CHMP4C: variants seen among roughly 807,000 people sequenced by gnomAD.
CHMP4C encodes the protein SNF7 homolog associated with Alix 3.
Under a neutral mutation model 29.0 loss-of-function variants are expected in CHMP4C, and 28 were observed. That is an observed-to-expected ratio of 0.97 (90% confidence interval 0.72 to 1.32). The LOEUF (loss-of-function observed/expected upper bound fraction) is 1.32, where lower values mean the gene tolerates loss of function less well. CHMP4C is among the 40% of genes most tolerant of loss of function. The pLI, the probability that CHMP4C is intolerant of heterozygous loss-of-function variation, is 0.00. For missense variants in CHMP4C, 291 were observed against 281.0 expected (o/e 1.04, Z -0.25); for synonymous variants, 106 against 102.4 (o/e 1.04, Z -0.21).
Position 81,758,259 on chromosome 8 carries a change from C to A in CHMP4C, c.601C>A (p.Pro201Thr). ...TCTCCCAGCACAGCCAAATAGAAAA[C>A]CAGGCATGTCGTCCACTGCACGTCG... ...SSLPAQPNRK[P>T]GMSSTARRSR... The change falls in exon 4 of 5, where the codon CCA becomes ACA. Residue 201 changes from proline to threonine, a missense_variant. Pro to Thr is a conservative substitution (Grantham distance 38, BLOSUM62 -1). Transcript: ENST00000297265. 6.2e-7 allele frequency: 1 copy of A among 1,614,000 alleles called. No individual in the cohort carries two copies. Among genetic ancestry groups the A allele is most frequent in the African/African-American group, 1.3e-5 (1 of 75,038 alleles).
chr8:81,735,178 G>A (rs773464639), intron 1 of CHMP4C, among the ~76,000 whole-genome samples: 1 of 152,156 alleles, frequency 6.6e-6, no homozygotes, highest in Admixed American at 6.6e-5. Flanking sequence ...ACAGGTGTGA[G>A]CCACTGCGCC....
intron 1 of CHMP4C, among the ~76,000 whole-genome samples, chr8:81,739,439 A>C (rs1808736169): frequency 6.6e-6 from 1 of 150,848 alleles, no homozygotes; most frequent in African/African-American, 2.4e-5. Context: ...GGAAAAAAAA[A>C]AAGTCTTATC....
intron 1 of CHMP4C, among the ~76,000 whole-genome samples, chr8:81,745,300 A>G (rs1037326083): frequency 9.9e-5 from 15 of 152,202 alleles, no homozygotes; most frequent in Non-Finnish European, 1.6e-4. Flanking sequence ...GCCCTTCTCT[A>G]GAGATCATTC....
At chr8:81,747,001 A>C (rs189190945) in intron 1 of CHMP4C, among the ~76,000 whole-genome samples, 324 of 152,296 alleles carry the variant, frequency 2.1e-3, no homozygotes, top group Admixed American at 4.6e-3. Context: ...TCCATTTTTC[A>C]GTAAGCAACT....
Position 81,755,456 on chromosome 8 carries a change from G to A in CHMP4C, c.455G>A (p.Arg152Gln), listed in dbSNP as rs114287276. ...AQEISEAFSQ[R>Q]VGFGDDFDED... ...GAAATCTCAGAAGCATTTTCTCAAC[G>A]GGTTGGCTTTGGTGATGACTTTGAT... is the stretch of plus-strand genomic sequence containing the variant. Residue 152 changes from arginine to glutamine, a missense_variant, in exon 3 of 5, where the codon CGG (arginine) becomes CAG (glutamine). Transcript: ENST00000297265. The A allele has an allele frequency of 6.7e-4, 1,085 of 1,611,386 alleles. 4 individuals carry two copies. The African/African-American group carries it at 0.01, about 15-fold the overall frequency.
intron 1 of CHMP4C, among the ~76,000 whole-genome samples, chr8:81,746,708 T>C (rs1042876420): frequency 1.3e-5 from 2 of 152,316 alleles, no homozygotes; most frequent in Admixed American, 1.3e-4. Context: ...CAAATGTTGG[T>C]GAATTTTAAA....
At chr8:81,752,377 G>A (rs765545824) in intron 1 of CHMP4C, among the ~76,000 whole-genome samples, 1 of 152,154 alleles carries the variant, frequency 6.6e-6, no homozygotes, top group African/African-American at 2.4e-5. Flanking sequence ...AGTGAGGCAA[G>A]TTAGGTTATC....
chr8:81,738,155 C>T (rs1023091876), intron 1 of CHMP4C, among the ~76,000 whole-genome samples: 2 of 152,128 alleles, frequency 1.3e-5, no homozygotes, highest in African/African-American at 2.4e-5. Context: ...CTATTGCTTG[C>T]CATATCCCAG....
intron 1 of CHMP4C, among the ~76,000 whole-genome samples, chr8:81,745,221 G>A (rs533531285): frequency 6.6e-6 from 1 of 152,154 alleles, no homozygotes; most frequent in Non-Finnish European, 1.5e-5. Flanking sequence ...AATGACATAA[G>A]CAATTATGTG....
At chr8:81,750,742 T>C (rs2130491009) in intron 1 of CHMP4C, among the ~76,000 whole-genome samples, 1 of 152,036 alleles carries the variant, frequency 6.6e-6, no homozygotes, top group South Asian at 2.1e-4. Flanking sequence ...AATACAAATT[T>C]CAGAAGATAG....
chr8:81,744,916 C>T (rs972639170), intron 1 of CHMP4C, among the ~76,000 whole-genome samples: 3 of 152,134 alleles, frequency 2.0e-5, no homozygotes, highest in African/African-American at 7.2e-5. Context: ...TAAAGACGTT[C>T]AGTGAAATTC....
At chr8:81,736,247 C>T (rs561842356) in intron 1 of CHMP4C, among the ~76,000 whole-genome samples, 51 of 151,902 alleles carry the variant, frequency 3.4e-4, no homozygotes, top group Non-Finnish European at 6.0e-4. Flanking sequence ...CCTTGACCTC[C>T]GAGACCCAAG....
At chr8:81,747,300 A>C (rs1173633738) in intron 1 of CHMP4C, among the ~76,000 whole-genome samples, 1 of 152,122 alleles carries the variant, frequency 6.6e-6, no homozygotes, top group African/African-American at 2.4e-5. Flanking sequence ...ATTTTTACTA[A>C]GAAATATGAC....
rs908203031 is a variant in CHMP4C, at chr8:81,748,338, C to T, written c.191-4726C>T. ...GTCCTGAGGCGACATACATCCTCCT[C>T]GGCTGACAGGATTAAGAGATTAAAA... On this transcript the variant is annotated intron_variant, in intron 1 of 4. Coordinates refer to ENST00000297265, the MANE Select transcript of CHMP4C (RefSeq NM_152284.4). Among the ~76,000 whole-genome samples, 7 of 152,068 alleles carry T rather than the reference C, an allele frequency of 4.6e-5. No homozygotes were observed. The East Asian group carries it at 5.8e-4, about 13-fold the overall frequency.
At chr8:81,742,674 T>C (rs1808775841) in intron 1 of CHMP4C, among the ~76,000 whole-genome samples, 1 of 152,202 alleles carries the variant, frequency 6.6e-6, no homozygotes, top group Admixed American at 6.5e-5. Context: ...TTAGCAGTGC[T>C]ATTTACATTA....
rs185142874 is a variant in CHMP4C, at chr8:81,736,524, C to T, written c.190+3708C>T. The stretch of plus-strand genomic sequence containing the variant: ...GTTTAGAGACACTTCCAATACCCTC[C>T]GCACCCACCCCATGTATGAACAGGA... On this transcript the variant is annotated intron_variant, in intron 1 of 4. Coordinates refer to ENST00000297265, the MANE Select transcript of CHMP4C (RefSeq NM_152284.4). 1.2e-4 allele frequency among the ~76,000 whole-genome samples: 18 copies of T among 152,174 alleles called. No individual in the cohort carries two copies. In the East Asian group the frequency reaches 2.7e-3, roughly 23 times the overall value.
chr8:81,738,284 C>T (rs1404289619), intron 1 of CHMP4C, among the ~76,000 whole-genome samples: 2 of 152,090 alleles, frequency 1.3e-5, no homozygotes, highest in Non-Finnish European at 2.9e-5. Flanking sequence ...TGGCCAAAAC[C>T]CCTACTCAAT....
intron 1 of CHMP4C, among the ~76,000 whole-genome samples, chr8:81,733,568 T>C (rs938661363): frequency 6.6e-6 from 1 of 152,134 alleles, no homozygotes; most frequent in African/African-American, 2.4e-5. Flanking sequence ...AAATTTCCTA[T>C]CACTGACTTT....
At chr8:81,738,096 G>A (rs1261341770) in intron 1 of CHMP4C, among the ~76,000 whole-genome samples, 3 of 152,198 alleles carry the variant, frequency 2.0e-5, no homozygotes, top group Non-Finnish European at 2.9e-5. Context: ...CTGAGAGTGA[G>A]TGCCTCCTTG....
Sources: allele counts gnomAD v4.1 joint callset (sites outside exome capture counted in the v4.1 genomes callset), GRCh38; gene constraint gnomAD v4.1.1; transcripts MANE v1.5; gene names NCBI Gene and HGNC (gene_info 2026-07-23, HGNC 2026-07-21).